AGMO: variants seen among roughly 807,000 people sequenced by gnomAD.
The protein encoded by AGMO is glyceryl-ether monooxygenase.
Under a neutral mutation model 60.2 loss-of-function variants are expected in AGMO, and 75 were observed. The ratio of observed to expected loss-of-function variants is 1.25; its 90% confidence interval spans 1.03 to 1.51. The LOEUF is 1.51. AGMO is among the 40% of genes most tolerant of loss of function. The pLI is 0.00. For synonymous variants in AGMO, 261 were observed against 177.1 expected (o/e 1.47, Z -3.76); for missense variants, 763 against 525.5 (o/e 1.45, Z -4.42).
chr7:15,194,957 G>A, the AGMO span, among the ~76,000 whole-genome samples: 3 of 152,158 alleles, frequency 2.0e-5, no homozygotes, highest in Non-Finnish European at 2.9e-5. Flanking sequence ...TGTGTTAGTT[G>A]CATTTGTCTA....
chr7:15,558,489 C>T (rs551829483), intron 2 of AGMO, among the ~76,000 whole-genome samples: 81 of 151,918 alleles, frequency 5.3e-4, no homozygotes, highest in African/African-American at 1.0e-3. Flanking sequence ...ATCTATATAC[C>T]CTTGGGCATG....
chr7:15,503,630 T>C (rs1029835631), intron 3 of AGMO, among the ~76,000 whole-genome samples: 1 of 152,072 alleles, frequency 6.6e-6, no homozygotes, highest in Non-Finnish European at 1.5e-5. Flanking sequence ...CTGGCGTCCA[T>C]TTGTCTGTAT....
intron 12 of AGMO, among the ~76,000 whole-genome samples, chr7:15,328,442 C>T (rs1781411398): frequency 6.6e-6 from 1 of 152,084 alleles, no homozygotes; most frequent in Admixed American, 6.6e-5. Flanking sequence ...AGGAAGGAGT[C>T]TTGTGATTGA....
chr7:15,383,072 C>G (rs999517771), intron 10 of AGMO, among the ~76,000 whole-genome samples: 1 of 151,356 alleles, frequency 6.6e-6, no homozygotes, highest in South Asian at 2.1e-4. Flanking sequence ...CCCTCCCATT[C>G]GTAGGCTGGG....
chr7:15,381,189 T>C (rs1783669884), intron 10 of AGMO, among the ~76,000 whole-genome samples: 1 of 152,008 alleles, frequency 6.6e-6, no homozygotes, highest in African/African-American at 2.4e-5. Context: ...GGGATCTAAT[T>C]AAACTGAAGA....
At chr7:15,173,268 T>G in the AGMO span, among the ~76,000 whole-genome samples, 12 of 152,258 alleles carry the variant, frequency 7.9e-5, no homozygotes, top group African/African-American at 2.9e-4. Context: ...CCCAAAGGCA[T>G]GCACATAAAC....
chr7:15,505,516 CA>C (rs1181525302), intron 3 of AGMO, among the ~76,000 whole-genome samples: 1 of 151,978 alleles, frequency 6.6e-6, no homozygotes, highest in Non-Finnish European at 1.5e-5. Context: ...CTAATGAACA[CA>C]AAGTCTGTGT....
the AGMO span, among the ~76,000 whole-genome samples, chr7:15,169,587 C>T: frequency 1.3e-5 from 2 of 152,054 alleles, no homozygotes; most frequent in African/African-American, 4.8e-5. Flanking sequence ...CACGCATCCA[C>T]CACCACACCT....
chr7:15,351,063 A>G (rs930655775), intron 12 of AGMO, among the ~76,000 whole-genome samples: 2 of 152,176 alleles, frequency 1.3e-5, no homozygotes, highest in African/African-American at 2.4e-5. Context: ...TTTTTCAGCC[A>G]AAGTTATCAG....
the AGMO span, among the ~76,000 whole-genome samples, chr7:15,137,866 G>C: frequency 6.6e-6 from 1 of 151,812 alleles, no homozygotes; most frequent in Non-Finnish European, 1.5e-5. Flanking sequence ...GTGGAGATGA[G>C]GAAACAGGCA....
the AGMO span, among the ~76,000 whole-genome samples, chr7:15,160,501 T>C: frequency 1.3e-5 from 2 of 152,186 alleles, no homozygotes; most frequent in Non-Finnish European, 2.9e-5. Flanking sequence ...ATACGATTTG[T>C]CCATCTTTTT....
the AGMO span, among the ~76,000 whole-genome samples, chr7:15,129,482 C>CA: frequency 1.3e-5 from 2 of 152,082 alleles, no homozygotes; most frequent in Non-Finnish European, 2.9e-5. Context: ...AAAGGCAACT[C>CA]ATTCTGACCA....
the AGMO span, among the ~76,000 whole-genome samples, chr7:15,123,196 A>T: frequency 7.9e-5 from 12 of 152,178 alleles, no homozygotes; most frequent in Non-Finnish European, 1.8e-4. Flanking sequence ...CATCTGCTCA[A>T]TGATCTCTAT....
At chr7:15,265,580 T>C (rs1449970506) in intron 12 of AGMO, among the ~76,000 whole-genome samples, 1 of 151,892 alleles carries the variant, frequency 6.6e-6, no homozygotes, top group East Asian at 1.9e-4. Context: ...ACAGTGAGAT[T>C]CTATCTCACA....
At chr7:15,385,755 T>C (rs766840741) in intron 9 of AGMO, among the ~76,000 whole-genome samples, 193 bp from the exon 10 acceptor site, 4 of 152,240 alleles carry the variant, frequency 2.6e-5, no homozygotes, top group African/African-American at 4.8e-5. Flanking sequence ...TGACGTAGTC[T>C]GCCTTAAAGA....
rs114712622 is a variant in AGMO, at chr7:15,234,314, A to G, written c.1264-32955T>C. Among the ~76,000 whole-genome samples the G allele has an allele frequency of 1.7e-4, 26 of 152,196 alleles. No individual in the cohort carries two copies. The East Asian group carries it at 4.4e-3, about 26-fold the overall frequency. ...AGACCCTTATTCTGTGTAAATGTCT[A>G]TCTCTCCCAAGGTTAGTGTCACATT... On this transcript the variant is annotated intron_variant, in intron 12 of 12. Transcript: ENST00000342526.
At chr7:15,453,819 C>A (rs1781919990) in intron 3 of AGMO, among the ~76,000 whole-genome samples, 1 of 152,092 alleles carries the variant, frequency 6.6e-6, no homozygotes, top group Admixed American at 6.6e-5. Flanking sequence ...ATCCCAGCTC[C>A]ACTATCTAAG....
At chr7:15,275,279 T>C (rs1160339622) in intron 12 of AGMO, among the ~76,000 whole-genome samples, 5 of 152,182 alleles carry the variant, frequency 3.3e-5, no homozygotes, top group African/African-American at 1.2e-4. Context: ...TTTTGAATTC[T>C]GCTTTAGTTT....
intron 12 of AGMO, among the ~76,000 whole-genome samples, chr7:15,290,052 A>G (rs1177326536): frequency 7.4e-6 from 1 of 135,212 alleles, no homozygotes. Flanking sequence ...TTTTTTTGAG[A>G]CAGAGTTTCA....
Sources: allele counts gnomAD v4.1 joint callset (sites outside exome capture counted in the v4.1 genomes callset), GRCh38; gene constraint gnomAD v4.1.1; transcripts MANE v1.5; gene names NCBI Gene and HGNC (gene_info 2026-07-23, HGNC 2026-07-21).